Variants in TBC1D22A observed in about 807,000 individuals in gnomAD.
TBC1D22A encodes TBC1 domain family member 22A, also known as putative GTPase activator.
TBC1D22A carries 38 observed loss-of-function variants against 60.2 expected under a neutral mutation model. The observed-to-expected ratio is 0.63, with a 90% CI of 0.49 to 0.83. The LOEUF is 0.83. Among genes scored for constraint, TBC1D22A ranks in the 40% least tolerant of loss-of-function variants. The pLI, the probability that TBC1D22A is intolerant of heterozygous loss-of-function variation, is 0.00. For synonymous variants in TBC1D22A, 302 were observed against 281.7 expected, an observed-to-expected ratio of 1.07 and a Z score of -0.72; for missense variants, 628 against 701.0, an observed-to-expected ratio of 0.90 and a Z score of 1.18.
chr22:47,072,758 G>A (rs554803038), intron 11 of TBC1D22A, among the ~76,000 whole-genome samples: 2 of 152,360 alleles, frequency 1.3e-5, no homozygotes, highest in East Asian at 3.9e-4. Flanking sequence ...GTGAATACCC[G>A]CCAGGCCTGT....
chr22:47,141,451 C>T (rs2067082258), intron 12 of TBC1D22A, among the ~76,000 whole-genome samples: 1 of 152,222 alleles, frequency 6.6e-6, no homozygotes, highest in Non-Finnish European at 1.5e-5. Flanking sequence ...TTATAATCCT[C>T]GGACCAGCTC....
intron 11 of TBC1D22A, among the ~76,000 whole-genome samples, chr22:47,075,792 T>A (rs1347015631): frequency 6.6e-6 from 1 of 151,722 alleles, no homozygotes; most frequent in African/African-American, 2.4e-5. Context: ...GTGGTATTCA[T>A]GATTGACACA....
At chr22:47,072,517 A>AG (rs2064039553) in intron 11 of TBC1D22A, among the ~76,000 whole-genome samples, 1 of 152,232 alleles carries the variant, frequency 6.6e-6, no homozygotes, top group South Asian at 2.1e-4. Flanking sequence ...TTTCAGATGC[A>AG]GGGGCTTCTG....
At chr22:46,904,480 T>C (rs1205792417) in intron 7 of TBC1D22A, among the ~76,000 whole-genome samples, 1 of 151,860 alleles carries the variant, frequency 6.6e-6, no homozygotes, top group Non-Finnish European at 1.5e-5. Flanking sequence ...ACGAATTTTT[T>C]TTTTTTGAGA....
chr22:46,879,661 T>C (rs1011356746), intron 5 of TBC1D22A, among the ~76,000 whole-genome samples: 1 of 152,240 alleles, frequency 6.6e-6, no homozygotes, highest in Non-Finnish European at 1.5e-5. Flanking sequence ...TTTGTGCTTT[T>C]TTATTTTAAC....
intron 8 of TBC1D22A, among the ~76,000 whole-genome samples, chr22:46,941,777 C>T (rs568435828): frequency 7.4e-5 from 9 of 122,244 alleles, no homozygotes; most frequent in African/African-American, 9.0e-5. Context: ...AATATGTATA[C>T]GGAATATATA....
At chr22:46,825,385 C>T (rs568206944) in intron 4 of TBC1D22A, among the ~76,000 whole-genome samples, 10 of 152,270 alleles carry the variant, frequency 6.6e-5, no homozygotes, top group South Asian at 2.1e-4. Context: ...GGAATCTGCC[C>T]GTCTCCCTTT....
intron 4 of TBC1D22A, among the ~76,000 whole-genome samples, chr22:46,800,585 T>A (rs2084855861): frequency 6.6e-6 from 1 of 152,156 alleles, no homozygotes; most frequent in South Asian, 2.1e-4. Flanking sequence ...TTGAGCCAGC[T>A]TGGTGATGAT....
At chr22:46,921,791 G>A (rs560117488) in intron 8 of TBC1D22A, among the ~76,000 whole-genome samples, 23 of 152,104 alleles carry the variant, frequency 1.5e-4, no homozygotes, top group South Asian at 1.2e-3. Flanking sequence ...TTTCTGACTG[G>A]TATGTGATGG....
chr22:47,065,654 T>TTAGCAGGCCTCG (rs1603223209), intron 11 of TBC1D22A, among the ~76,000 whole-genome samples: 5 of 151,668 alleles, frequency 3.3e-5, no homozygotes, highest in East Asian at 3.9e-4. Flanking sequence ...TGGGTTGGAT[T>TTAGCAGGCCTCG]GAGGGAGACC....
chr22:46,826,201 A>G (rs2086059025), intron 4 of TBC1D22A, among the ~76,000 whole-genome samples: 1 of 152,296 alleles, frequency 6.6e-6, no homozygotes, highest in South Asian at 2.1e-4. Flanking sequence ...TTTTAACGCT[A>G]AACTGTGGCC....
intron 12 of TBC1D22A, among the ~76,000 whole-genome samples, chr22:47,167,245 G>A (rs142149205): frequency 5.3e-5 from 8 of 152,346 alleles, no homozygotes; most frequent in Non-Finnish European, 8.8e-5. Flanking sequence ...GGTGCACAGC[G>A]GGGAACCTTC....
intron 8 of TBC1D22A, among the ~76,000 whole-genome samples, chr22:46,927,185 A>G (rs993105504): frequency 2.0e-5 from 3 of 152,246 alleles, no homozygotes; most frequent in Non-Finnish European, 4.4e-5. Context: ...CCTTATCACA[A>G]TGGACTTAAA....
intron 11 of TBC1D22A, among the ~76,000 whole-genome samples, chr22:47,043,581 C>T (rs960390909): frequency 4.6e-5 from 7 of 152,132 alleles, no homozygotes; most frequent in African/African-American, 1.2e-4. Context: ...GTGCTGAGGA[C>T]GTAGGGAAGA....
intron 8 of TBC1D22A, among the ~76,000 whole-genome samples, chr22:46,945,709 C>T (rs927929315): frequency 3.0e-4 from 46 of 152,314 alleles, no homozygotes; most frequent in Middle Eastern, 6.8e-3. Context: ...GGGTTCCCCC[C>T]TGGTTACCCT....
At position 47,051,709 on chromosome 22, in the gene TBC1D22A, G is replaced by A. The variant is rs532469679; in HGVS notation, c.1329+14511G>A. ...CCGCTTGCCTGGGGTGGGGGCAGCC[G>A]GCACCTCCCTGCAGCCCCAGGACTG... On this transcript the variant is annotated intron_variant, in intron 11 of 12. Coordinates refer to ENST00000337137, the MANE Select transcript of TBC1D22A (RefSeq NM_014346.5). Among the ~76,000 whole-genome samples the A allele has an allele frequency of 4.6e-4, 70 of 152,296 alleles. No homozygotes were observed. In the South Asian group the frequency reaches 7.0e-3, roughly 15 times the overall value.
chr22:46,965,271 G>C (rs577005818), intron 8 of TBC1D22A, among the ~76,000 whole-genome samples: 1 of 152,216 alleles, frequency 6.6e-6, no homozygotes, highest in South Asian at 2.1e-4. Flanking sequence ...CCACACCAGC[G>C]TGCCATTTTG....
rs367792904 is a variant in TBC1D22A, at chr22:47,036,930, C to T, written c.1202-141C>T. The T allele has an allele frequency of 4.7e-5, 43 of 906,338 alleles. No individual in the cohort carries two copies. In the East Asian group the frequency reaches 5.6e-4, roughly 12 times the overall value. 56.1% of individuals were successfully genotyped at this position (906,338 alleles called of 1,614,324 possible). A position where few individuals can be genotyped will look rare whatever the true frequency, so the allele number is the denominator to read the frequency against. On this transcript the variant is annotated intron_variant, in intron 10 of 12. Coordinates refer to ENST00000337137, the MANE Select transcript of TBC1D22A (RefSeq NM_014346.5). ...TCATTAATAGAATCAGTTCTTTGCT[C>T]CTTGGGGGTTGTTGCTTGGGATTCC...
chr22:47,098,267 C>A (rs537774034), intron 11 of TBC1D22A, among the ~76,000 whole-genome samples: 2 of 152,290 alleles, frequency 1.3e-5, no homozygotes, highest in South Asian at 4.1e-4. Context: ...CTCCAGAACC[C>A]CCTGTCCCCA....
Sources: gnomAD v4.1 joint callset for allele counts (sites outside exome capture counted in the v4.1 genomes callset) on GRCh38, gnomAD v4.1.1 for gene constraint, MANE v1.5 for transcripts, NCBI Gene and HGNC (gene_info 2026-07-23, HGNC 2026-07-21) for gene names.